Variants in SLC17A5 observed in about 807,000 individuals in gnomAD.
The protein encoded by SLC17A5 is sialin.
Under a neutral mutation model 59.4 loss-of-function variants are expected in SLC17A5, and 47 were observed. That is an observed-to-expected ratio of 0.79 (90% CI 0.63 to 1.01). The LOEUF is 1.01. SLC17A5 is among the 50% of genes least tolerant of loss of function. SLC17A5 has a pLI of 0.00. For missense variants in SLC17A5, 522 were observed against 595.5 expected (o/e 0.88, Z 1.28); for synonymous variants, 202 against 210.7 (o/e 0.96, Z 0.36).
At chr6:73,599,899 C>A (rs538411581) in intron 10 of SLC17A5, among the ~76,000 whole-genome samples, 1 of 151,682 alleles carries the variant, frequency 6.6e-6, no homozygotes, top group African/African-American at 2.4e-5. Context: ...TGGGTTTGAG[C>A]GATTCTTGTG....
intron 1 of SLC17A5, among the ~76,000 whole-genome samples, chr6:73,652,325 G>A (rs1476255823): frequency 2.6e-5 from 4 of 152,080 alleles, no homozygotes; most frequent in Admixed American, 6.6e-5. Flanking sequence ...TATAATTTAC[G>A]TGATAAATGT....
intron 7 of SLC17A5, 60 bp from the exon 8 acceptor site, chr6:73,615,507 C>T: frequency 6.5e-7 from 1 of 1,544,562 alleles, no homozygotes; most frequent in Non-Finnish European, 8.9e-7. Flanking sequence ...AAAACATACA[C>T]ATTCATCACA....
intron 9 of SLC17A5, among the ~76,000 whole-genome samples, chr6:73,602,266 T>A (rs546177555): frequency 1.9e-3 from 284 of 147,614 alleles, no homozygotes; most frequent in African/African-American, 7.1e-3. Flanking sequence ...TCATCACCAC[T>A]CCCTAATCTC....
chr6:73,650,672 G>A (rs1340385893), intron 1 of SLC17A5, among the ~76,000 whole-genome samples: 1 of 150,864 alleles, frequency 6.6e-6, no homozygotes, highest in Non-Finnish European at 1.5e-5. Context: ...TCTAGCCTGG[G>A]CAACAGAGTG....
At chr6:73,651,439 C>T (rs1401883447) in intron 1 of SLC17A5, among the ~76,000 whole-genome samples, 6 of 92,920 alleles carry the variant, frequency 6.5e-5, no homozygotes, top group African/African-American at 1.3e-4. Flanking sequence ...CCAGCCTGGG[C>T]GACAGAGCAA....
At chr6:73,632,175 T>C (rs1318231220) in intron 6 of SLC17A5, among the ~76,000 whole-genome samples, 1 of 149,512 alleles carries the variant, frequency 6.7e-6, no homozygotes, top group Non-Finnish European at 1.5e-5. Context: ...GGTGTGCACC[T>C]GTAGTCCCAG....
chr6:73,602,945 GTAAT>G lies in SLC17A5; in HGVS notation c.1260-2508_1260-2505del, dbSNP rs536882655. ...TCTTTCCTGATTTGAAAATTCAATT[GTAAT>G]TAATTTTTGAAAATTAATACGAAAA... On this transcript the variant is annotated intron_variant, in intron 9 of 10. Transcript: ENST00000355773. Among the ~76,000 whole-genome samples, 153 of 151,798 alleles carry G rather than the reference GTAAT, an allele frequency of 1.0e-3. 2 individuals are homozygous for G. Among genetic ancestry groups the G allele is most frequent in the African/African-American group, 1.9e-3 (78 of 41,388 alleles).
intron 4 of SLC17A5, 98 bp from the exon 5 acceptor site, chr6:73,636,805 G>A: frequency 1.1e-6 from 1 of 878,808 alleles, no homozygotes; most frequent in African/African-American, 1.6e-5. Context: ...AACAGGCTGG[G>A]CACAGTGGCT....
chr6:73,602,784 A>G (rs1286807815), intron 9 of SLC17A5, among the ~76,000 whole-genome samples: 4 of 152,008 alleles, frequency 2.6e-5, no homozygotes, highest in Non-Finnish European at 5.9e-5. Flanking sequence ...CAAAAAAAAA[A>G]AAAAAAAAAT....
At chr6:73,598,415 G>A (rs1443929822) in intron 10 of SLC17A5, among the ~76,000 whole-genome samples, 5 of 152,158 alleles carry the variant, frequency 3.3e-5, no homozygotes, top group African/African-American at 1.2e-4. Flanking sequence ...TGGATCATTT[G>A]AGGTCAGAAG....
chr6:73,638,299 C>T (rs1161393740), intron 4 of SLC17A5, 113 bp downstream of exon 4: 3 of 776,314 alleles, frequency 3.9e-6, no homozygotes, highest in African/African-American at 3.4e-5. Context: ...TTAATGTTCT[C>T]CCCAAAGGGG....
intron 2 of SLC17A5, among the ~76,000 whole-genome samples, chr6:73,643,013 C>T (rs1440656520): frequency 2.6e-5 from 4 of 152,040 alleles, no homozygotes; most frequent in Middle Eastern, 3.4e-3. Flanking sequence ...TAAAGATTTT[C>T]GGAGAGATTT....
intron 6 of SLC17A5, among the ~76,000 whole-genome samples, chr6:73,624,219 C>T (rs1768291656): frequency 6.6e-6 from 1 of 151,578 alleles, no homozygotes; most frequent in Non-Finnish European, 1.5e-5. Context: ...ACCTGGGCAA[C>T]ATGGTGAAAC....
intron 1 of SLC17A5, chr6:73,652,912 T>G (rs1378745670): frequency 2.6e-6 from 1 of 387,962 alleles, no homozygotes; most frequent in Non-Finnish European, 3.5e-6. Context: ...TCAAACTGAT[T>G]TGTTCTTTAG....
At chr6:73,653,201 C>G (rs996066469) in intron 1 of SLC17A5, 12 of 985,388 alleles carry the variant, frequency 1.2e-5, no homozygotes, top group Non-Finnish European at 1.4e-5. Flanking sequence ...AATAGTTGCC[C>G]TCTGCATACT....
chr6:73,651,756 T>C (rs1167447863), intron 1 of SLC17A5, among the ~76,000 whole-genome samples: 1 of 152,010 alleles, frequency 6.6e-6, no homozygotes, highest in Non-Finnish European at 1.5e-5. Flanking sequence ...TTTCACCTTG[T>C]TAGCCGGGAT....
rs558296891 is a variant in SLC17A5, at chr6:73,609,522, T to G, written c.1259+878A>C. ...AGGGCTACACAAATATATTTGCACA[T>G]AGGTAATATAGTTAGACAAATCAAT... is the stretch of plus-strand genomic sequence containing the variant. On this transcript the variant is annotated intron_variant, in intron 9 of 10. Transcript: ENST00000355773. Among the ~76,000 whole-genome samples the G allele has an allele frequency of 3.3e-5, 5 of 151,854 alleles. No individual in the cohort carries two copies. The East Asian group carries it at 9.7e-4, about 29-fold the overall frequency.
chr6:73,612,353 C>T (rs1308152716), intron 8 of SLC17A5, among the ~76,000 whole-genome samples: 2 of 152,000 alleles, frequency 1.3e-5, no homozygotes, highest in African/African-American at 4.8e-5. Context: ...GGGGTTTCAC[C>T]ATGTTGGCCA....
At position 73,612,572 on chromosome 6, in the gene SLC17A5, AT is replaced by A. The variant is rs575492093; in HGVS notation, c.1112-2026del. On this transcript the variant is annotated intron_variant, in intron 8 of 10. Transcript: ENST00000355773. ...CTTAGACAGTTTTATTTCTACGTAC[AT>A]TTTTTTCTAACTATTTTTAGAGATA... Among the ~76,000 whole-genome samples the A allele has an allele frequency of 4.3e-3, 653 of 151,896 alleles. 2 individuals are homozygous for A. The highest frequency in any genetic ancestry group is 6.0e-3 in the Admixed American group (92 of 15,234).
Sources: gnomAD v4.1 joint callset for allele counts (sites outside exome capture counted in the v4.1 genomes callset) on GRCh38, gnomAD v4.1.1 for gene constraint, MANE v1.5 for transcripts, NCBI Gene and HGNC (gene_info 2026-07-23, HGNC 2026-07-21) for gene names.